Variants in ADAMTS2 observed in about 807,000 individuals in gnomAD.
ADAMTS2 encodes the protein ADAM metallopeptidase with thrombospondin type 1 motif 2.
In ADAMTS2, 50 loss-of-function variants were observed where a neutral mutation model predicts 123.0. The ratio of observed to expected loss-of-function variants is 0.41; its 90% CI spans 0.32 to 0.51. ADAMTS2 has a LOEUF of 0.51. ADAMTS2 is among the 20% of genes least tolerant of loss of function. ADAMTS2 has a pLI of 0.35. For missense variants in ADAMTS2, 1,494 were observed against 1,705.2 expected (o/e 0.88, Z 2.18); for synonymous variants, 678 against 695.4 (o/e 0.98, Z 0.39).
chr5:179,206,514 C>T (rs1446740355), intron 4 of ADAMTS2, among the ~76,000 whole-genome samples: 3 of 152,166 alleles, frequency 2.0e-5, no homozygotes, highest in Non-Finnish European at 4.4e-5. Flanking sequence ...CCGGCTTCCA[C>T]ACCACCTCCA....
intron 3 of ADAMTS2, among the ~76,000 whole-genome samples, chr5:179,224,401 G>A (rs748938173): frequency 4.6e-5 from 7 of 152,204 alleles, no homozygotes; most frequent in Non-Finnish European, 8.8e-5. Context: ...TAGGCTGGGC[G>A]TGTTTCCCGA....
In ADAMTS2 at chr5:179,245,785, A is replaced by C. The variant is rs1200735898; in HGVS notation, c.688+27126T>G. On this transcript the variant is annotated intron_variant, in intron 3 of 21. Transcript: ENST00000251582. ...CGTCTCAAAAAAAAAAAAAAAAAAA[A>C]AAAAAAAAAACAAAAAAAACAAAGA... Among the ~76,000 whole-genome samples the C allele has an allele frequency of 8.0e-5, 11 of 137,112 alleles. No homozygotes were observed. In the East Asian group the frequency reaches 1.0e-3, roughly 13 times the overall value. The allele number at this position is 137,112 out of a possible 152,430, so 90.0% of individuals were successfully genotyped here. A position where few individuals can be genotyped will look rare whatever the true frequency, so the allele number is the denominator to read the frequency against.
intron 3 of ADAMTS2, among the ~76,000 whole-genome samples, chr5:179,271,804 G>C (rs1766542415): frequency 6.6e-6 from 1 of 152,248 alleles, no homozygotes; most frequent in African/African-American, 2.4e-5. Context: ...TGCCTGCCAG[G>C]CTGTACCCAA....
rs1050557450 is a variant in ADAMTS2 at position 179,195,717 on chromosome 5, C to T, written c.891+11796G>A. Among the ~76,000 whole-genome samples, 10 of 152,326 alleles carry T rather than the reference C, an allele frequency of 6.6e-5. No individual in the cohort carries two copies. In the East Asian group the frequency reaches 1.4e-3, roughly 21 times the overall value. On this transcript the variant is annotated intron_variant, in intron 4 of 21. Transcript: ENST00000251582. ...GGGCACTGCCCTCTTCTGAGCCTTG[C>T]GTGCAGCCTCGCACACACCACTGGC...
rs1757872431 is a variant in ADAMTS2, at chr5:179,344,243, CA to C, written c.140-83del. 3 of 1,494,806 alleles carry C rather than the reference CA, an allele frequency of 2.0e-6. No individual in the cohort carries two copies. The Admixed American group carries it at 6.0e-5, about 30-fold the overall frequency. The allele number at this position is 1,494,806 out of a possible 1,614,324, so 92.6% of individuals were successfully genotyped here. ...GACCCGCCGGCAAGCCACGCCCCCC[CA>C]GACCCCGCCCCACTGCGAAGGGAAG... On this transcript the variant is annotated intron_variant, in intron 1 of 21. Coordinates refer to ENST00000251582, the MANE Select transcript of ADAMTS2 (RefSeq NM_014244.5).
chr5:179,262,681 C>T lies in ADAMTS2; in HGVS notation c.688+10230G>A, dbSNP rs138870039. ...CTTTCCCATCATCACCAACCTGGGG[C>T]GCCTCCCTCCCTTACCTGCCTTCTC... On this transcript the variant is annotated intron_variant, in intron 3 of 21. Coordinates refer to ENST00000251582, the MANE Select transcript of ADAMTS2 (RefSeq NM_014244.5). This position sits in a 1 kb window ranked among gnomAD's most constrained non-coding sequence, Gnocchi z 5.9. Among the ~76,000 whole-genome samples, 552 of 152,320 alleles carry T rather than the reference C, an allele frequency of 3.6e-3. 2 individuals are homozygous for T. Among genetic ancestry groups the T allele is most frequent in the Non-Finnish European group, 5.7e-3 (390 of 68,024 alleles).
At chr5:179,203,404 C>T (rs557797081) in intron 4 of ADAMTS2, among the ~76,000 whole-genome samples, 12 of 152,392 alleles carry the variant, frequency 7.9e-5, no homozygotes, top group African/African-American at 2.2e-4. Context: ...CGGCTGCTGC[C>T]ACGTCTGTCC....
In ADAMTS2 at chr5:179,125,005, G is replaced by A. The variant is rs763319167; in HGVS notation, c.2926C>T (p.Pro976Ser). The A allele has an allele frequency of 4.4e-6, 7 of 1,606,846 alleles. No homozygotes were observed. In the African/African-American group the frequency reaches 5.4e-5, roughly 12 times the overall value. Residue 976 changes from proline (P) to serine (S), a missense_variant, in exon 19 of 22, where the codon CCT (proline) becomes TCT (serine). Pro to Ser is a moderately conservative substitution (Grantham distance 74). Coordinates refer to ENST00000251582, the MANE Select transcript of ADAMTS2 (RefSeq NM_014244.5). ...SRRACSRELCPGRWRAGPWSQ... is the reference protein window; with the variant it reads ...SRRACSRELCSGRWRAGPWSQ... Reference sequence around the variant, plus strand: ...CAGGGCCCGGCTCGCCAACGACCAGGGCAGAGCTCGCGGCTGCAGGCCCGG... The same window carrying A: ...CAGGGCCCGGCTCGCCAACGACCAGAGCAGAGCTCGCGGCTGCAGGCCCGG...
At chr5:179,207,471 A>ACCCGGCCCCCCCCC in intron 4 of ADAMTS2, 42 bp downstream of exon 4, 1 of 1,026,474 alleles carries the variant, frequency 9.7e-7, no homozygotes, top group Non-Finnish European at 1.5e-6. Flanking sequence ...CCCCTGGTTG[A>ACCCGGCCCCCCCCC]CCCTCCCCGC....
At chr5:179,119,592 C>T (rs2113172952) in intron 21 of ADAMTS2, among the ~76,000 whole-genome samples, 1 of 152,330 alleles carries the variant, frequency 6.6e-6, no homozygotes, top group East Asian at 1.9e-4. Context: ...ATGGGCAGGC[C>T]AGTTGCCCAG....
chr5:179,204,768 C>A (rs150410854), intron 4 of ADAMTS2, among the ~76,000 whole-genome samples: 4 of 152,308 alleles, frequency 2.6e-5, no homozygotes, highest in South Asian at 2.1e-4. Flanking sequence ...GGAGCTGGGG[C>A]TCAGATCAGA....
At position 179,158,592 on chromosome 5, in the gene ADAMTS2, C is replaced by T; in HGVS notation, c.1132+131G>A. 2 of 1,231,746 alleles carry T rather than the reference C, an allele frequency of 1.6e-6. No individual in the cohort carries two copies. Among genetic ancestry groups the T allele is most frequent in the East Asian group, 2.4e-5 (1 of 41,704 alleles). 76.3% of individuals were successfully genotyped at this position (1,231,746 alleles called of 1,614,324 possible). A position where few individuals can be genotyped will look rare whatever the true frequency, so the allele number is the denominator to read the frequency against. On this transcript the variant is annotated intron_variant, in intron 6 of 21. Coordinates refer to ENST00000251582, the MANE Select transcript of ADAMTS2 (RefSeq NM_014244.5). This position sits in a 1 kb window ranked among gnomAD's most constrained non-coding sequence, Gnocchi z 5.0. Reference sequence around the variant, plus strand: ...TGCACTGCCCCACACCCTCACCCAGCTAAGGTGGCCACGGCCTTCCCTGCC... The same window carrying T: ...TGCACTGCCCCACACCCTCACCCAGTTAAGGTGGCCACGGCCTTCCCTGCC...
chr5:179,329,157 C>A (rs1324436181), intron 2 of ADAMTS2, among the ~76,000 whole-genome samples: 2 of 152,030 alleles, frequency 1.3e-5, no homozygotes, highest in Non-Finnish European at 2.9e-5. Context: ...GAAACCCCGT[C>A]TCTACTAAAA....
chr5:179,257,307 A>G (rs1766083742), intron 3 of ADAMTS2, among the ~76,000 whole-genome samples: 1 of 152,156 alleles, frequency 6.6e-6, no homozygotes, highest in South Asian at 2.1e-4. Flanking sequence ...CAAGGGCAGA[A>G]CCCTCTTGAG....
Position 179,134,196 on chromosome 5 carries a change from A to T in ADAMTS2, c.2086-1296T>A, listed in dbSNP as rs547525622. On this transcript the variant is annotated intron_variant, in intron 13 of 21. Coordinates refer to ENST00000251582, the MANE Select transcript of ADAMTS2 (RefSeq NM_014244.5). ...ATTAATTATGTTTTTGTTTTTCAAA[A>T]CGTCCTATGTCTTGATATTTTGACA... 3.0e-4 allele frequency among the ~76,000 whole-genome samples: 46 copies of T among 152,224 alleles called. 1 individual carries two copies. The highest frequency in any genetic ancestry group is 9.4e-4 in the African/African-American group (39 of 41,502).
At position 179,112,423 on chromosome 5, in the gene ADAMTS2, C is replaced by CT. The variant is rs200296053; in HGVS notation, c.*1443_*1444insA. On this transcript the variant is annotated 3_prime_UTR_variant, in exon 22 of 22. Coordinates refer to ENST00000251582, the MANE Select transcript of ADAMTS2 (RefSeq NM_014244.5). ...ATGAGCCACTCTTCTCCCATCCGCC[C>CT]CTACTCCCCCTTCCTCCTATTTCTC... The CT allele has an allele frequency of 9.9e-5, 15 of 152,188 alleles. No homozygotes were observed. In the East Asian group the frequency reaches 2.5e-3, roughly 26 times the overall value. The allele number at this position is 152,188 out of a possible 1,614,324, so 9.4% of individuals were successfully genotyped here. A position where few individuals can be genotyped will look rare whatever the true frequency, so the allele number is the denominator to read the frequency against.
At chr5:179,233,547 C>CGTGTT (rs1765459791) in intron 3 of ADAMTS2, among the ~76,000 whole-genome samples, 1 of 152,086 alleles carries the variant, frequency 6.6e-6, no homozygotes, top group Admixed American at 6.5e-5. Flanking sequence ...ATTAGCCAGG[C>CGTGTT]GTGTTGGCAG....
intron 9 of ADAMTS2, among the ~76,000 whole-genome samples, chr5:179,152,754 C>T (rs1378065162): frequency 3.3e-5 from 5 of 152,070 alleles, no homozygotes; most frequent in African/African-American, 9.7e-5. Flanking sequence ...GGCCCTGAGC[C>T]TCCCCTACTC....
chr5:179,291,253 G>A (rs1474787028), intron 2 of ADAMTS2, among the ~76,000 whole-genome samples: 2 of 152,156 alleles, frequency 1.3e-5, no homozygotes, highest in Non-Finnish European at 2.9e-5. Flanking sequence ...CTCCTGCATC[G>A]GCTGTGGGGC....
Sources: gnomAD v4.1 joint callset for allele counts (sites outside exome capture counted in the v4.1 genomes callset) on GRCh38, gnomAD v4.1.1 for gene constraint, Gnocchi (gnomAD v3.1) non-coding constraint, MANE v1.5 for transcripts, NCBI Gene and HGNC (gene_info 2026-07-23, HGNC 2026-07-21) for gene names.